EXOC6B: variants seen among roughly 807,000 people sequenced by gnomAD.
EXOC6B encodes the protein SEC15 homolog B.
In EXOC6B, 54 loss-of-function variants were observed where a neutral mutation model predicts 113.5. The observed-to-expected ratio is 0.48, with a 90% CI of 0.38 to 0.60. The LOEUF is 0.60. EXOC6B is among the 20% of genes least tolerant of loss of function. EXOC6B has a pLI of 0.00. For missense variants in EXOC6B, 797 were observed against 977.5 expected, an observed-to-expected ratio of 0.82 and a Z score of 2.46; for synonymous variants, 357 against 339.0, an observed-to-expected ratio of 1.05 and a Z score of -0.58.
Position 72,787,401 on chromosome 2 carries a change from T to C in EXOC6B, c.113+38397A>G, listed in dbSNP as rs1182719144. On this transcript the variant is annotated intron_variant, in intron 1 of 21. Transcript: ENST00000272427. ...TTTTAGTAGAGACAGGGTTTCACCA[T>C]GTTGGCTAGGCTGGTCTCGAACTCC... Among the ~76,000 whole-genome samples the C allele has an allele frequency of 2.6e-5, 4 of 152,106 alleles. No individual in the cohort carries two copies. In the East Asian group the frequency reaches 7.7e-4, roughly 29 times the overall value.
intron 17 of EXOC6B, 30 bp downstream of exon 17, chr2:72,480,586 C>T (rs1432170371): frequency 6.4e-7 from 1 of 1,551,246 alleles, no homozygotes; most frequent in Non-Finnish European, 8.7e-7. Context: ...ACACCAGAAG[C>T]AGTTCCACAG....
At chr2:72,470,428 T>G (rs1698326123) in intron 17 of EXOC6B, among the ~76,000 whole-genome samples, 1 of 152,184 alleles carries the variant, frequency 6.6e-6, no homozygotes, top group East Asian at 1.9e-4. Flanking sequence ...ATGTTGATTT[T>G]ATATCCTGCA....
At chr2:72,672,982 T>G (rs1247066801) in intron 6 of EXOC6B, among the ~76,000 whole-genome samples, 2 of 152,214 alleles carry the variant, frequency 1.3e-5, no homozygotes, top group Non-Finnish European at 2.9e-5. Flanking sequence ...TTTAAGGTGA[T>G]GGATATCCCA....
intron 20 of EXOC6B, among the ~76,000 whole-genome samples, chr2:72,290,290 A>G (rs1486263431): frequency 6.6e-6 from 1 of 152,214 alleles, no homozygotes; most frequent in Non-Finnish European, 1.5e-5. Flanking sequence ...CACATCTTTT[A>G]TAGACTCTTG....
intron 2 of EXOC6B, among the ~76,000 whole-genome samples, chr2:72,735,374 G>T (rs549611067): frequency 3.9e-5 from 6 of 152,226 alleles, no homozygotes; most frequent in African/African-American, 1.4e-4. Flanking sequence ...TACATGTAAT[G>T]CACTCTCTTG....
chr2:72,581,571 G>A (rs1705226579), intron 6 of EXOC6B, among the ~76,000 whole-genome samples: 1 of 152,060 alleles, frequency 6.6e-6, no homozygotes, highest in East Asian at 1.9e-4. Flanking sequence ...GAGGAAGGTG[G>A]TCACTATACC....
At chr2:72,356,402 G>A (rs1031595526) in intron 19 of EXOC6B, among the ~76,000 whole-genome samples, 1 of 152,092 alleles carries the variant, frequency 6.6e-6, no homozygotes, top group African/African-American at 2.4e-5. Flanking sequence ...CATGGTGGTA[G>A]ATGCCTGTAG....
intron 20 of EXOC6B, among the ~76,000 whole-genome samples, chr2:72,275,120 A>G (rs1684734671): frequency 6.6e-6 from 1 of 152,196 alleles, no homozygotes; most frequent in Non-Finnish European, 1.5e-5. Context: ...TAGCACCATT[A>G]TTCAATTTCG....
At chr2:72,495,809 T>C (rs1444278708) in intron 14 of EXOC6B, among the ~76,000 whole-genome samples, 3 of 152,148 alleles carry the variant, frequency 2.0e-5, no homozygotes, top group South Asian at 2.1e-4. Flanking sequence ...CAATGATACA[T>C]GCAACAATTT....
intron 6 of EXOC6B, among the ~76,000 whole-genome samples, chr2:72,699,887 A>T (rs902514711): frequency 6.6e-6 from 1 of 152,138 alleles, no homozygotes; most frequent in Admixed American, 6.5e-5. Flanking sequence ...ATGGCTTTCT[A>T]TATACAGTCA....
chr2:72,266,042 T>G (rs1684060254), intron 20 of EXOC6B, among the ~76,000 whole-genome samples: 1 of 152,270 alleles, frequency 6.6e-6, no homozygotes, highest in Admixed American at 6.5e-5. Flanking sequence ...TTTGGCTGCA[T>G]AAATGCCTTC....
At chr2:72,402,676 C>T (rs977844249) in intron 18 of EXOC6B, among the ~76,000 whole-genome samples, 1 of 152,112 alleles carries the variant, frequency 6.6e-6, no homozygotes, top group Admixed American at 6.5e-5. Context: ...TTCGAATAGG[C>T]CATACTTTCC....
chr2:72,267,973 G>A (rs1684237457), intron 20 of EXOC6B, among the ~76,000 whole-genome samples: 1 of 152,128 alleles, frequency 6.6e-6, no homozygotes, highest in South Asian at 2.1e-4. Flanking sequence ...ACATAAGTAT[G>A]TTCCATGAAG....
chr2:72,470,281 C>T (rs769619435), intron 17 of EXOC6B, among the ~76,000 whole-genome samples: 3 of 151,966 alleles, frequency 2.0e-5, no homozygotes, highest in East Asian at 1.9e-4. Flanking sequence ...GTTTTCATTG[C>T]GGACATTTTT....
In EXOC6B at chr2:72,500,544, C is replaced by A. The variant is rs1700260031; in HGVS notation, c.1168-572G>T. Among the ~76,000 whole-genome samples the A allele has an allele frequency of 2.0e-5, 3 of 151,216 alleles. No individual in the cohort carries two copies. In the South Asian group the frequency reaches 6.3e-4, roughly 32 times the overall value. ...CCAAAGACCAAGTTAAAAATAAAAT[C>A]AATTAAATAAACAAATCTTAGACAA... On this transcript the variant is annotated intron_variant, in intron 11 of 21. Transcript: ENST00000272427.
intron 6 of EXOC6B, among the ~76,000 whole-genome samples, chr2:72,681,815 C>T (rs1676722126): frequency 6.6e-6 from 1 of 151,854 alleles, no homozygotes; most frequent in Non-Finnish European, 1.5e-5. Flanking sequence ...TCATGAATTT[C>T]CTAATAGACA....
At chr2:72,606,225 T>G (rs1220978753) in intron 6 of EXOC6B, among the ~76,000 whole-genome samples, 1 of 152,150 alleles carries the variant, frequency 6.6e-6, no homozygotes, top group Non-Finnish European at 1.5e-5. Context: ...AAATGAAGTC[T>G]TTCAAGGGCC....
chr2:72,571,040 T>A (rs1240867204), intron 7 of EXOC6B, among the ~76,000 whole-genome samples: 1 of 152,220 alleles, frequency 6.6e-6, no homozygotes. Flanking sequence ...AAAACTAATA[T>A]GTTATCTTGA....
intron 6 of EXOC6B, among the ~76,000 whole-genome samples, chr2:72,611,824 A>G (rs1041325618): frequency 5.9e-5 from 9 of 152,358 alleles, no homozygotes; most frequent in African/African-American, 1.9e-4. Flanking sequence ...AAGAAATTAT[A>G]TGATAAAAGT....
Sources: allele counts gnomAD v4.1 joint callset (sites outside exome capture counted in the v4.1 genomes callset), GRCh38; gene constraint gnomAD v4.1.1; transcripts MANE v1.5; gene names NCBI Gene and HGNC (gene_info 2026-07-23, HGNC 2026-07-21).